Variants in PCDHA4 observed in about 807,000 individuals in gnomAD.
The protein encoded by PCDHA4 is protocadherin alpha 4.
In PCDHA4, 49 loss-of-function variants were observed where a neutral mutation model predicts 61.4. That is an observed-to-expected ratio of 0.80 (90% confidence interval 0.63 to 1.01). The LOEUF (loss-of-function observed/expected upper bound fraction) is 1.01, where lower values mean the gene tolerates loss of function less well. Among genes scored for constraint, PCDHA4 ranks in the 50% least tolerant of loss-of-function variants. PCDHA4 has a pLI of 0.00. For missense variants in PCDHA4, 1,254 were observed against 1,235.8 expected, an observed-to-expected ratio of 1.01 and a Z score of -0.22; for synonymous variants, 590 against 550.3, an observed-to-expected ratio of 1.07 and a Z score of -1.01.
chr5:140,840,181 T>C (rs1398905291), intron 1 of PCDHA4, among the ~76,000 whole-genome samples: 1 of 151,970 alleles, frequency 6.6e-6, no homozygotes, highest in African/African-American at 2.4e-5. Context: ...AAATTTTAAA[T>C]ATGGTAGGCA....
chr5:140,839,494 A>T (rs1776252585), intron 1 of PCDHA4, among the ~76,000 whole-genome samples: 1 of 151,886 alleles, frequency 6.6e-6, no homozygotes, highest in Non-Finnish European at 1.5e-5. Flanking sequence ...GGCTCAAGTG[A>T]TCTTCCTACC....
chr5:140,877,334 C>A (rs375199455), intron 1 of PCDHA4: 13 of 1,614,002 alleles, frequency 8.1e-6, no homozygotes, highest in Non-Finnish European at 1.0e-5. Flanking sequence ...GCGCACATCC[C>A]GTTCCACGTG....
Position 140,857,393 on chromosome 5 carries a change from G to A in PCDHA4, c.2385+47821G>A, listed in dbSNP as rs146099067. 164 of 1,598,378 alleles carry A rather than the reference G, an allele frequency of 1.0e-4. 11 individuals are homozygous for A. Among genetic ancestry groups the A allele is most frequent in the Non-Finnish European group, 1.3e-4 (157 of 1,167,892 alleles). ...GTCTGTGGAGGTGGCCGACGTGAAC[G>A]ACAACGCGCCTGCGTTCGCGCAGTC... On this transcript the variant is annotated intron_variant, in intron 1 of 3. Coordinates refer to ENST00000530339, the MANE Select transcript of PCDHA4 (RefSeq NM_018907.4).
In PCDHA4 at chr5:140,807,966, T is replaced by C. The variant is rs782778842; in HGVS notation, c.779T>C (p.Leu260Ser). The change falls in exon 1 of 4, where the codon TTG becomes TCG. Residue 260 changes from leucine (L) to serine (S), a missense_variant. By Grantham distance (145) the Leu-to-Ser change is moderately radical. Coordinates refer to ENST00000530339, the MANE Select transcript of PCDHA4 (RefSeq NM_018907.4). ...CTAGAAAATGTTCCTAATGGAACAT[T>C]GGTAATTAAACTTAACGCCTCAGAT... is the stretch of plus-strand genomic sequence containing the variant. The part of the protein sequence containing the change: ...RLLENVPNGT[L>S]VIKLNASDLD... The C allele has an allele frequency of 6.2e-7, 1 of 1,613,986 alleles. No individual in the cohort carries two copies. Among genetic ancestry groups the C allele is most frequent in the South Asian group, 1.1e-5 (1 of 91,088 alleles).
chr5:140,909,171 T>C (rs2074353484), intron 1 of PCDHA4, among the ~76,000 whole-genome samples: 1 of 152,208 alleles, frequency 6.6e-6, no homozygotes, highest in Non-Finnish European at 1.5e-5. Flanking sequence ...ATCAATCAAG[T>C]TCTCTCCAAA....
chr5:140,969,166 C>T lies in PCDHA4; in HGVS notation c.2386-9783C>T, dbSNP rs1554231524. ...GCTACAAGGCCTGTCTGACAGCAGG[C>T]TCAGGGAGTGACACTTTCATGTTTT... On this transcript the variant is annotated intron_variant, in intron 1 of 3. Transcript: ENST00000530339. 2.5e-6 allele frequency: 4 copies of T among 1,614,092 alleles called. No homozygotes were observed. In the South Asian group the frequency reaches 4.4e-5, roughly 18 times the overall value.
At position 140,853,114 on chromosome 5, in the gene PCDHA4, C is replaced by T. The variant is rs2150528456; in HGVS notation, c.2385+43542C>T. 11 of 456,802 alleles carry T rather than the reference C, an allele frequency of 2.4e-5. 1 individual carries two copies. The highest frequency in any genetic ancestry group is 1.1e-3 in the Middle Eastern group (1 of 920). The allele number at this position is 456,802 out of a possible 1,614,324, so 28.3% of individuals were successfully genotyped here. On this transcript the variant is annotated intron_variant, in intron 1 of 3. Coordinates refer to ENST00000530339, the MANE Select transcript of PCDHA4 (RefSeq NM_018907.4). ...CAGGATGGTCTCGATCTCCTGACCT[C>T]ATGATCCTCCCGCCTCAGCCTCCCA...
chr5:140,842,884 G>T, intron 1 of PCDHA4: 1 of 1,594,190 alleles, frequency 6.3e-7, no homozygotes, highest in South Asian at 1.1e-5. Context: ...ACGCGCTGCA[G>T]CCGCTGGACC....
In PCDHA4 at chr5:140,843,667, A is replaced by G. The variant is rs143385524; in HGVS notation, c.2385+34095A>G. Reference sequence around the variant, plus strand: ...CCTGCCTTCCTCCTGATCTGGGATCAGTTGATGTAGGCGAAGAGCAAGATT... The same window carrying G: ...CCTGCCTTCCTCCTGATCTGGGATCGGTTGATGTAGGCGAAGAGCAAGATT... On this transcript the variant is annotated intron_variant, in intron 1 of 3. Coordinates refer to ENST00000530339, the MANE Select transcript of PCDHA4 (RefSeq NM_018907.4). The G allele has an allele frequency of 5.3e-5, 84 of 1,593,334 alleles. 5 individuals are homozygous for G. Among genetic ancestry groups the G allele is most frequent in the Non-Finnish European group, 6.5e-5 (76 of 1,163,092 alleles).
intron 3 of PCDHA4, among the ~76,000 whole-genome samples, chr5:141,001,524 C>T (rs952372807): frequency 6.6e-6 from 1 of 152,202 alleles, no homozygotes; most frequent in Non-Finnish European, 1.5e-5. Context: ...CTCCCTCTCT[C>T]TCTGATCCTG....
At chr5:140,856,112 GCC>G (rs2043785671) in intron 1 of PCDHA4, 1 of 1,598,078 alleles carries the variant, frequency 6.3e-7, no homozygotes, top group Non-Finnish European at 8.6e-7. Context: ...TCTCCTCGCA[GCC>G]TGGGAGGTGG....
chr5:140,966,052 C>G (rs2095962967), intron 1 of PCDHA4, among the ~76,000 whole-genome samples: 1 of 152,158 alleles, frequency 6.6e-6, no homozygotes, highest in Admixed American at 6.5e-5. Context: ...GCCAGTAACC[C>G]CAGAGCGCCT....
intron 1 of PCDHA4, among the ~76,000 whole-genome samples, chr5:140,933,480 G>A (rs1255769578): frequency 6.6e-6 from 1 of 151,846 alleles, no homozygotes; most frequent in East Asian, 1.9e-4. Context: ...ACACATTATG[G>A]TTATTCTTTA....
Position 140,928,600 on chromosome 5 carries a change from G to C in PCDHA4, c.2386-50349G>C, listed in dbSNP as rs144698541. ...AAATGGTTCTGTCCCAGTGGAAATT[G>C]TGCCCCGCTCTGCCAGGACTGGACA... On this transcript the variant is annotated intron_variant, in intron 1 of 3. Coordinates refer to ENST00000530339, the MANE Select transcript of PCDHA4 (RefSeq NM_018907.4). 3.1e-6 allele frequency: 5 copies of C among 1,614,090 alleles called. No homozygotes were observed. In the African/African-American group the frequency reaches 6.7e-5, roughly 22 times the overall value.
At chr5:140,831,488 T>C (rs370733379) in intron 1 of PCDHA4, among the ~76,000 whole-genome samples, 1 of 148,694 alleles carries the variant, frequency 6.7e-6, no homozygotes, top group African/African-American at 2.5e-5. Context: ...GCCTCTGGAG[T>C]TACTACACAC....
At chr5:140,834,344 G>A (rs2150215547) in intron 1 of PCDHA4, 3 of 1,518,348 alleles carry the variant, frequency 2.0e-6, no homozygotes, top group Non-Finnish European at 1.8e-6. Context: ...AAATTCGAAG[G>A]CAAGTTTTGC....
chr5:140,938,295 A>G (rs1458865676), intron 1 of PCDHA4, among the ~76,000 whole-genome samples: 1 of 152,190 alleles, frequency 6.6e-6, no homozygotes, highest in Non-Finnish European at 1.5e-5. Context: ...GTCATTGCCT[A>G]TGAAATTCAG....
chr5:140,851,882 G>A lies in PCDHA4; in HGVS notation c.2385+42310G>A. ...CATACATAACACAAGGCAGAAATCT[G>A]GATATGAGATTTGCCTCTTTAATGT... On this transcript the variant is annotated intron_variant, in intron 1 of 3. Transcript: ENST00000530339. The A allele has an allele frequency of 2.0e-6, 2 of 976,778 alleles. 1 individual carries two copies. Among genetic ancestry groups the A allele is most frequent in the Non-Finnish European group, 2.5e-6 (2 of 809,414 alleles). The allele number at this position is 976,778 out of a possible 1,614,324, so 60.5% of individuals were successfully genotyped here. A position where few individuals can be genotyped will look rare whatever the true frequency, so the allele number is the denominator to read the frequency against.
At chr5:140,877,853 AT>A in intron 1 of PCDHA4, 2 of 1,535,524 alleles carry the variant, frequency 1.3e-6, no homozygotes, top group Non-Finnish European at 1.7e-6. Context: ...AGTTATTAAT[AT>A]TATTTAGATA....
Sources: gnomAD v4.1 joint callset for allele counts (sites outside exome capture counted in the v4.1 genomes callset) on GRCh38, gnomAD v4.1.1 for gene constraint, MANE v1.5 for transcripts, NCBI Gene and HGNC (gene_info 2026-07-23, HGNC 2026-07-21) for gene names.